Variants in ALPK1 observed in about 807,000 individuals in gnomAD.
ALPK1 encodes the protein alpha-protein kinase 1.
In ALPK1, 110 loss-of-function variants were observed where a neutral mutation model predicts 120.6. The ratio of observed to expected loss-of-function variants is 0.91; its 90% CI spans 0.78 to 1.07. ALPK1 has a LOEUF of 1.07. Ranked by LOEUF, ALPK1 falls within the 50% of genes least tolerant of loss-of-function variation. The pLI is 0.00. For missense variants in ALPK1, 1,498 were observed against 1,483.9 expected (o/e 1.01, Z -0.16); for synonymous variants, 582 against 560.3 (o/e 1.04, Z -0.55).
At chr4:112,382,726 C>T in intron 4 of ALPK1, 174 bp downstream of exon 4, 2 of 908,974 alleles carry the variant, frequency 2.2e-6, no homozygotes, top group South Asian at 3.5e-5. Flanking sequence ...CATTACTTGC[C>T]CATAAGATCT....
intron 4 of ALPK1, among the ~76,000 whole-genome samples, chr4:112,405,483 G>T (rs1369097525): frequency 1.3e-5 from 2 of 151,836 alleles, no homozygotes; most frequent in South Asian, 2.1e-4. Flanking sequence ...TCTTTTCATA[G>T]AATTTTCTCA....
chr4:112,334,983 G>T (rs942598768), intron 2 of ALPK1, among the ~76,000 whole-genome samples: 1 of 152,138 alleles, frequency 6.6e-6, no homozygotes, highest in African/African-American at 2.4e-5. Flanking sequence ...TTTAAACAGG[G>T]CACAGTGGCT....
At chr4:112,348,026 T>A (rs1445340861) in intron 2 of ALPK1, among the ~76,000 whole-genome samples, 1 of 152,170 alleles carries the variant, frequency 6.6e-6, no homozygotes, top group Non-Finnish European at 1.5e-5. Flanking sequence ...TGAGAGTTCT[T>A]CCGCTTGAAG....
chr4:112,403,476 G>A (rs901638032), intron 4 of ALPK1, among the ~76,000 whole-genome samples: 3 of 152,200 alleles, frequency 2.0e-5, no homozygotes, highest in Non-Finnish European at 4.4e-5. Context: ...TCTGCATTTT[G>A]CATCGTTAGG....
intron 2 of ALPK1, chr4:112,358,187 T>C: frequency 1.6e-6 from 1 of 620,280 alleles, no homozygotes; most frequent in Non-Finnish European, 3.0e-6. Flanking sequence ...GCAAGTGATC[T>C]GGCACTGCCA....
chr4:112,358,880 G>C (rs1243976476), intron 2 of ALPK1: 2 of 774,818 alleles, frequency 2.6e-6, no homozygotes, highest in Non-Finnish European at 4.8e-6. Flanking sequence ...TTGCTGCCCT[G>C]GCGACCTGTC....
Position 112,438,663 on chromosome 4 carries a change from C to T in ALPK1, c.3351+17C>T, listed in dbSNP as rs1734893471. On this transcript the variant is annotated intron_variant, in intron 13 of 15. Transcript: ENST00000650871. ...ATACTACTGGTAAGATTATCCTGAA[C>T]ACATCATTTGGATCTTCCAAATCAC... 1 of 1,607,964 alleles carries T rather than the reference C, an allele frequency of 6.2e-7. No homozygotes were observed. Among genetic ancestry groups the T allele is most frequent in the Non-Finnish European group, 8.5e-7 (1 of 1,176,236 alleles).
rs187556193 is a variant in ALPK1, at chr4:112,324,305, T to C, written c.-101+8453T>C. On this transcript the variant is annotated intron_variant, in intron 2 of 15. Transcript: ENST00000650871. ...TCATGCCACTGCACTCCAGCCTGGG[T>C]GACAGAGCAAGACTCCATCTCAGAA... 2.0e-3 allele frequency among the ~76,000 whole-genome samples: 285 copies of C among 139,034 alleles called. 1 individual carries two copies. The highest frequency in any genetic ancestry group is 7.4e-3 in the African/African-American group (268 of 36,458). The allele number at this position is 139,034 out of a possible 152,430, so 91.2% of individuals were successfully genotyped here.
At chr4:112,307,556 A>T (rs1728151439) in intron 1 of ALPK1, among the ~76,000 whole-genome samples, 2 of 152,034 alleles carry the variant, frequency 1.3e-5, no homozygotes, top group South Asian at 4.1e-4. Context: ...TTTATCAGAG[A>T]CTAGGATTGC....
intron 2 of ALPK1, among the ~76,000 whole-genome samples, chr4:112,329,878 G>A (rs535190971): frequency 9.2e-5 from 14 of 152,298 alleles, no homozygotes; most frequent in Non-Finnish European, 8.8e-5. Flanking sequence ...AATACTGGTC[G>A]AATGAACAGG....
chr4:112,394,567 AG>A (rs1390517030), intron 4 of ALPK1, among the ~76,000 whole-genome samples: 1 of 152,202 alleles, frequency 6.6e-6, no homozygotes, highest in African/African-American at 2.4e-5. Context: ...AAAATCACCA[AG>A]GATTTAAACC....
At chr4:112,423,534 C>A (rs1447211258) in intron 5 of ALPK1, among the ~76,000 whole-genome samples, 1 of 152,202 alleles carries the variant, frequency 6.6e-6, no homozygotes, top group African/African-American at 2.4e-5. Flanking sequence ...AATCTCCTCA[C>A]TCCCCACCCC....
intron 5 of ALPK1, chr4:112,423,663 T>C (rs1734100934): frequency 5.5e-6 from 3 of 541,530 alleles, no homozygotes; most frequent in Non-Finnish European, 1.0e-5. Context: ...TTGCCTCTAC[T>C]CCTCAAACCC....
chr4:112,332,948 A>G (rs1729449535), intron 2 of ALPK1, among the ~76,000 whole-genome samples: 1 of 152,146 alleles, frequency 6.6e-6, no homozygotes, highest in Non-Finnish European at 1.5e-5. Context: ...CTTTTGATGC[A>G]CTTTCAAAGA....
intron 6 of ALPK1, chr4:112,425,381 G>C (rs1371981357): frequency 4.5e-6 from 1 of 220,556 alleles, no homozygotes; most frequent in Non-Finnish European, 9.2e-6. Context: ...AGCAGGGCTA[G>C]TGGTAAGTGC....
In ALPK1 at chr4:112,425,707, A is replaced by G; in HGVS notation, c.578A>G (p.Gln193Arg). ...YRNESDKVLV[Q>R]SVCIQIRGQI... ...AATGAAAGTGACAAGGTCCTGGTGC[A>G]GTCGGTCTGTATACAGATCAGAGGG... is the stretch of plus-strand genomic sequence containing the variant. Residue 193 changes from glutamine (Q) to arginine (R), a missense_variant, in exon 7 of 16, where the codon CAG (glutamine) becomes CGG (arginine). Coordinates refer to ENST00000650871, the MANE Select transcript of ALPK1 (RefSeq NM_025144.4). The G allele has an allele frequency of 6.2e-7, 1 of 1,613,312 alleles. No individual in the cohort carries two copies.
In ALPK1 at chr4:112,412,035, C is replaced by T. The variant is rs781497943; in HGVS notation, c.475+10C>T. 5.6e-6 allele frequency: 9 copies of T among 1,613,602 alleles called. No homozygotes were observed. Among genetic ancestry groups the T allele is most frequent in the South Asian group, 1.1e-5 (1 of 91,076 alleles). The stretch of plus-strand genomic sequence containing the variant: ...ATCTCCGTGAACTCAGGTATGCTCC[C>T]TCCTGCTGGCCGCCCCCGCGTCCTC... On this transcript the variant is annotated intron_variant, in intron 5 of 15. Transcript: ENST00000650871.
At chr4:112,319,856 T>C (rs1298579983) in intron 2 of ALPK1, among the ~76,000 whole-genome samples, 1 of 152,232 alleles carries the variant, frequency 6.6e-6, no homozygotes, top group Non-Finnish European at 1.5e-5. Context: ...TCACTGTTGA[T>C]GTATAGCAGA....
intron 5 of ALPK1, among the ~76,000 whole-genome samples, chr4:112,416,110 TCCC>T (rs1362103852): frequency 1.3e-5 from 2 of 152,098 alleles, no homozygotes; most frequent in East Asian, 3.8e-4. Context: ...GTGCTCTGAA[TCCC>T]CTAAAGATCT....
Sources: gnomAD v4.1 joint callset for allele counts (sites outside exome capture counted in the v4.1 genomes callset) on GRCh38, gnomAD v4.1.1 for gene constraint, MANE v1.5 for transcripts, NCBI Gene and HGNC (gene_info 2026-07-23, HGNC 2026-07-21) for gene names.